The following CD1B variants were observed in gnomAD, a reference collection of about 807,000 sequenced individuals.
CD1B encodes T-cell surface glycoprotein CD1b.
A neutral mutation model predicts 39.8 loss-of-function variants in CD1B; 43 were observed. The observed-to-expected ratio is 1.08, with a 90% confidence interval of 0.85 to 1.39. The LOEUF (loss-of-function observed/expected upper bound fraction) is 1.39. Among genes scored for constraint, CD1B ranks in the 40% most tolerant of loss-of-function variants. The pLI, the probability that CD1B is intolerant of heterozygous loss-of-function variation, is 0.00. For synonymous variants in CD1B, 192 were observed against 152.5 expected, an observed-to-expected ratio of 1.26 and a Z score of -1.91; for missense variants, 495 against 403.8, an observed-to-expected ratio of 1.23 and a Z score of -1.94.
At chr1:158,318,126 A>G in the CD1B span, among the ~76,000 whole-genome samples, 1 of 152,066 alleles carries the variant, frequency 6.6e-6, no homozygotes, top group Non-Finnish European at 1.5e-5. Flanking sequence ...GTGCTGAAAA[A>G]AATGTATATT....
Position 158,331,513 on chromosome 1 carries a change from C to A in CD1B, c.-90G>T. ...TTTCCTCAGTACCCTGTAGTGACTT[C>A]TTCTCTCTTCCAACTGCCAAATCTC... On this transcript the variant is annotated 5_prime_UTR_variant, in exon 1 of 6. Coordinates refer to ENST00000368168, the MANE Select transcript of CD1B (RefSeq NM_001764.3). The A allele has an allele frequency of 9.7e-7, 1 of 1,028,674 alleles. No individual in the cohort carries two copies. Among genetic ancestry groups the A allele is most frequent in the Non-Finnish European group, 1.5e-6 (1 of 667,352 alleles). The allele number at this position is 1,028,674 out of a possible 1,614,324, so 63.7% of individuals were successfully genotyped here.
the CD1B span, chr1:158,290,047 GA>G: frequency 6.2e-7 from 1 of 1,613,216 alleles, no homozygotes; most frequent in Non-Finnish European, 8.5e-7. Context: ...CTGAGAGAAA[GA>G]AACATCTGCA....
chr1:158,330,181 G>T (rs538908397), intron 2 of CD1B, 51 bp from the exon 3 acceptor site: 4 of 1,515,138 alleles, frequency 2.6e-6, no homozygotes, highest in Admixed American at 2.2e-5. Flanking sequence ...AAGAAAAAAA[G>T]GCATGAGAAA....
downstream of CD1B, among the ~76,000 whole-genome samples, chr1:158,327,288 T>C (rs900942737): frequency 2.6e-5 from 4 of 152,162 alleles, no homozygotes; most frequent in South Asian, 6.2e-4. Flanking sequence ...AGAAAAGTTA[T>C]AGGAGTCCCC....
chr1:158,299,844 A>G, the CD1B span, among the ~76,000 whole-genome samples: 6 of 152,012 alleles, frequency 3.9e-5, no homozygotes, highest in Non-Finnish European at 5.9e-5. Context: ...CCCCTTTATC[A>G]TTTTTTATTG....
the CD1B span, among the ~76,000 whole-genome samples, chr1:158,288,177 G>T: frequency 6.6e-6 from 1 of 152,200 alleles, no homozygotes; most frequent in Non-Finnish European, 1.5e-5. Flanking sequence ...GAATGATTTG[G>T]GTAGGATTTG....
At chr1:158,292,670 G>A in the CD1B span, 20 of 1,613,786 alleles carry the variant, frequency 1.2e-5, no homozygotes, top group Middle Eastern at 1.7e-4. Context: ...TCATGCCTCC[G>A]GCTTCTACCC....
the CD1B span, chr1:158,292,344 A>G: frequency 1.9e-6 from 3 of 1,613,986 alleles, no homozygotes; most frequent in Non-Finnish European, 2.5e-6. Context: ...GGATGCAGGG[A>G]AGATGTATGT....
At chr1:158,294,400 G>A in the CD1B span, among the ~76,000 whole-genome samples, 1 of 152,140 alleles carries the variant, frequency 6.6e-6, no homozygotes, top group East Asian at 1.9e-4. Flanking sequence ...ACTGGTGGTG[G>A]ATAAAACAAA....
At chr1:158,292,441 A>C in the CD1B span, 1 of 1,519,500 alleles carries the variant, frequency 6.6e-7, no homozygotes, top group Non-Finnish European at 8.9e-7. Flanking sequence ...CTTCAAACTC[A>C]GGACAAGAAA....
chr1:158,298,337 C>A, the CD1B span, among the ~76,000 whole-genome samples: 1 of 152,138 alleles, frequency 6.6e-6, no homozygotes, highest in Non-Finnish European at 1.5e-5. Context: ...GATAGATCAT[C>A]AAGAGAGAAC....
chr1:158,297,113 TAC>T, the CD1B span, among the ~76,000 whole-genome samples: 1 of 152,104 alleles, frequency 6.6e-6, no homozygotes, highest in Non-Finnish European at 1.5e-5. Flanking sequence ...TCCTGAGAGA[TAC>T]TACACTAGAA....
the CD1B span, among the ~76,000 whole-genome samples, chr1:158,321,894 ATTCTTCCTGATC>A: frequency 6.6e-6 from 1 of 152,170 alleles, no homozygotes; most frequent in Non-Finnish European, 1.5e-5. Context: ...TCCATTAGCT[ATTCTTCCTGATC>A]TTCTCCCTCC....
chr1:158,324,516 C>A (rs1400763829), downstream of CD1B, among the ~76,000 whole-genome samples: 1 of 152,144 alleles, frequency 6.6e-6, no homozygotes, highest in Non-Finnish European at 1.5e-5. Context: ...TACATTGATT[C>A]ATCGGAAACC....
At chr1:158,314,741 G>C in the CD1B span, among the ~76,000 whole-genome samples, 1 of 151,696 alleles carries the variant, frequency 6.6e-6, no homozygotes, top group Admixed American at 6.6e-5. Context: ...GTGCCATGCT[G>C]GTGCGCGGCA....
At chr1:158,288,169 A>G in the CD1B span, among the ~76,000 whole-genome samples, 6 of 152,220 alleles carry the variant, frequency 3.9e-5, no homozygotes, top group Non-Finnish European at 8.8e-5. Flanking sequence ...GTGCTTATGA[A>G]TGATTTGGGT....
the CD1B span, among the ~76,000 whole-genome samples, chr1:158,318,270 G>A: frequency 6.6e-6 from 1 of 152,110 alleles, no homozygotes; most frequent in Non-Finnish European, 1.5e-5. Flanking sequence ...GGGTGTTAAA[G>A]TCTCCCATTA....
chr1:158,303,088 T>C, the CD1B span, among the ~76,000 whole-genome samples: 1 of 152,152 alleles, frequency 6.6e-6, no homozygotes, highest in Non-Finnish European at 1.5e-5. Context: ...TCTGCTATTA[T>C]CAAATGGGCT....
the CD1B span, chr1:158,293,225 C>T: frequency 1.2e-6 from 2 of 1,613,654 alleles, no homozygotes; most frequent in Non-Finnish European, 1.7e-6. Flanking sequence ...ACCACTTTTC[C>T]ATGAATTGGA....
Sources: gnomAD v4.1 joint callset for allele counts (sites outside exome capture counted in the v4.1 genomes callset) on GRCh38, gnomAD v4.1.1 for gene constraint, MANE v1.5 for transcripts, NCBI Gene and HGNC (gene_info 2026-07-23, HGNC 2026-07-21) for gene names.